The following ABTB3 variants were observed in gnomAD, a reference collection of about 807,000 sequenced individuals.
ABTB3 encodes the protein ankyrin repeat- and BTB/POZ domain-containing protein 3.
At chr12:107,345,528 C>A in the ABTB3 span, among the ~76,000 whole-genome samples, 2 of 151,970 alleles carry the variant, frequency 1.3e-5, no homozygotes, top group Admixed American at 1.3e-4. Flanking sequence ...GGTTCATGTA[C>A]AAGAGAAGCC....
chr12:107,608,893 TAAATAAAATAAAATAAAATA>T, the ABTB3 span, among the ~76,000 whole-genome samples: 3 of 84,324 alleles, frequency 3.6e-5, no homozygotes, highest in Non-Finnish European at 6.7e-5. Context: ...TAAAATAAAA[TAAATAAAATAAAATAAAATA>T]AAATAAAATA....
At chr12:107,344,881 A>G in the ABTB3 span, among the ~76,000 whole-genome samples, 4 of 152,356 alleles carry the variant, frequency 2.6e-5, no homozygotes, top group Middle Eastern at 6.8e-3. Context: ...GTGAATTCTG[A>G]TTTTTAAAAA....
At chr12:107,463,820 G>C in the ABTB3 span, among the ~76,000 whole-genome samples, 1 of 152,156 alleles carries the variant, frequency 6.6e-6, no homozygotes, top group Non-Finnish European at 1.5e-5. Context: ...TTCTGTGTTA[G>C]GAAGCCTCAA....
chr12:107,460,438 T>C, the ABTB3 span, among the ~76,000 whole-genome samples: 102 of 152,226 alleles, frequency 6.7e-4, no homozygotes, highest in Non-Finnish European at 1.3e-3. Context: ...GTGGATCACC[T>C]GAGTGCAGGA....
the ABTB3 span, among the ~76,000 whole-genome samples, chr12:107,485,204 TC>T: frequency 6.6e-6 from 1 of 152,248 alleles, no homozygotes; most frequent in East Asian, 1.9e-4. Context: ...CCCCTATGAT[TC>T]CAAATTCATT....
At chr12:107,475,166 T>C in the ABTB3 span, among the ~76,000 whole-genome samples, 1 of 152,170 alleles carries the variant, frequency 6.6e-6, no homozygotes, top group Non-Finnish European at 1.5e-5. Flanking sequence ...CACTTCACTT[T>C]GACCTCCCTC....
At chr12:107,353,392 G>T in the ABTB3 span, among the ~76,000 whole-genome samples, 1 of 152,134 alleles carries the variant, frequency 6.6e-6, no homozygotes, top group East Asian at 1.9e-4. Context: ...AGCTGTGTAG[G>T]GAGACAGAGC....
the ABTB3 span, among the ~76,000 whole-genome samples, chr12:107,346,550 C>T: frequency 6.6e-6 from 1 of 152,092 alleles, no homozygotes; most frequent in Admixed American, 6.6e-5. Flanking sequence ...ACCTCTGCCT[C>T]CCGGGTTCAA....
the ABTB3 span, among the ~76,000 whole-genome samples, chr12:107,553,820 G>A: frequency 2.9e-3 from 443 of 152,274 alleles, 3 homozygotes; most frequent in African/African-American, 0.01. Flanking sequence ...CATGCCTGTA[G>A]TCCCAGCTAC....
At chr12:107,349,418 C>G in the ABTB3 span, among the ~76,000 whole-genome samples, 1 of 152,188 alleles carries the variant, frequency 6.6e-6, no homozygotes, top group African/African-American at 2.4e-5. Flanking sequence ...ATAACAGGTT[C>G]TCCAGTTGCT....
chr12:107,510,776 G>A, the ABTB3 span, among the ~76,000 whole-genome samples: 7 of 152,050 alleles, frequency 4.6e-5, no homozygotes, highest in Non-Finnish European at 1.0e-4. Context: ...ACAAAAATTA[G>A]CTGGATGTGG....
At chr12:107,564,096 G>C in the ABTB3 span, among the ~76,000 whole-genome samples, 967 of 111,246 alleles carry the variant, frequency 8.7e-3, 7 homozygotes, top group African/African-American at 0.018. Flanking sequence ...CTCTCTGTGT[G>C]TGTGTGTGTG....
the ABTB3 span, among the ~76,000 whole-genome samples, chr12:107,340,952 C>T: frequency 6.6e-6 from 1 of 152,114 alleles, no homozygotes; most frequent in African/African-American, 2.4e-5. Context: ...AAGATGAATA[C>T]AATGCAGTTG....
At chr12:107,429,348 C>G in the ABTB3 span, among the ~76,000 whole-genome samples, 2 of 152,226 alleles carry the variant, frequency 1.3e-5, no homozygotes, top group Admixed American at 1.3e-4. Context: ...AAAAGCCACA[C>G]TGCCATCAGC....
At chr12:107,627,635 C>T in the ABTB3 span, among the ~76,000 whole-genome samples, 1 of 152,174 alleles carries the variant, frequency 6.6e-6, no homozygotes, top group African/African-American at 2.4e-5. Flanking sequence ...GCAGACATAG[C>T]CTGCAGCCAT....
the ABTB3 span, among the ~76,000 whole-genome samples, chr12:107,654,598 C>T: frequency 4.6e-5 from 7 of 152,300 alleles, no homozygotes; most frequent in Admixed American, 4.6e-4. Context: ...CGCGCCTGGC[C>T]TCAAATTCCT....
chr12:107,406,797 T>C, the ABTB3 span, among the ~76,000 whole-genome samples: 39 of 152,250 alleles, frequency 2.6e-4, no homozygotes, highest in South Asian at 1.2e-3. Flanking sequence ...AGATGTTGCT[T>C]TGAAAAAAAA....
chr12:107,544,005 C>T, the ABTB3 span: 1 of 1,614,044 alleles, frequency 6.2e-7, no homozygotes, highest in Non-Finnish European at 8.5e-7. Context: ...ATGGCACCCC[C>T]CTGCACCACA....
chr12:107,322,898 G>C, the ABTB3 span, among the ~76,000 whole-genome samples: 1 of 152,148 alleles, frequency 6.6e-6, no homozygotes, highest in African/African-American at 2.4e-5. Flanking sequence ...GGTGAACAGA[G>C]ACCCTTCCTG....
Sources: allele counts gnomAD v4.1 joint callset (sites outside exome capture counted in the v4.1 genomes callset), GRCh38; gene constraint gnomAD v4.1.1; transcripts MANE v1.5; gene names NCBI Gene and HGNC (gene_info 2026-07-23, HGNC 2026-07-21).